Variants in SGCD observed in about 807,000 individuals in gnomAD.
SGCD encodes the protein sarcoglycan delta, also known as delta-sarcoglycan.
SGCD carries 18 observed loss-of-function variants against 36.6 expected under a neutral mutation model. The ratio of observed to expected loss-of-function variants is 0.49; its 90% CI spans 0.34 to 0.73. SGCD has a LOEUF of 0.73. SGCD is among the 30% of genes least tolerant of loss of function. The pLI, the probability that SGCD is intolerant of heterozygous loss-of-function variation, is 0.01. For missense variants in SGCD, 387 were observed against 346.7 expected (o/e 1.12, Z -0.92); for synonymous variants, 133 against 130.6 (o/e 1.02, Z -0.12).
chr5:156,348,813 A>G (rs181652203), intron 3 of SGCD, among the ~76,000 whole-genome samples: 24 of 152,320 alleles, frequency 1.6e-4, no homozygotes, highest in Admixed American at 2.6e-4. Context: ...AAGCAAAAAG[A>G]TCAAATCTGA....
At chr5:156,455,029 G>A (rs115908025) in intron 3 of SGCD, among the ~76,000 whole-genome samples, 2 of 152,140 alleles carry the variant, frequency 1.3e-5, no homozygotes, top group Admixed American at 6.5e-5. Context: ...AAGAAAGGAC[G>A]CTTAAAGAAA....
intron 3 of SGCD, among the ~76,000 whole-genome samples, chr5:156,298,886 TG>T (rs1183211986): frequency 9.2e-5 from 14 of 152,346 alleles, no homozygotes; most frequent in African/African-American, 3.4e-4. Flanking sequence ...TTTCTTTCAT[TG>T]TTTGAGTTGC....
intron 3 of SGCD, among the ~76,000 whole-genome samples, chr5:156,222,554 A>G (rs1764742644): frequency 6.6e-6 from 1 of 152,056 alleles, no homozygotes; most frequent in African/African-American, 2.4e-5. Context: ...AGAAGTTGGT[A>G]TTTTAAAGAA....
chr5:156,325,178 A>G (rs1410908812), upstream of SGCD, among the ~76,000 whole-genome samples: 1 of 152,098 alleles, frequency 6.6e-6, no homozygotes, highest in Non-Finnish European at 1.5e-5. Flanking sequence ...AAGTAGCGGT[A>G]TAGCTGGCTT....
intron 3 of SGCD, among the ~76,000 whole-genome samples, chr5:156,483,167 G>A (rs766630820): frequency 6.6e-6 from 1 of 152,116 alleles, no homozygotes; most frequent in Non-Finnish European, 1.5e-5. Flanking sequence ...AGATACAAAG[G>A]TTCTGAGGCT....
chr5:155,977,719 T>G (rs1361792649), intron 1 of SGCD, among the ~76,000 whole-genome samples: 2 of 152,124 alleles, frequency 1.3e-5, no homozygotes, highest in Non-Finnish European at 2.9e-5. Context: ...TGGAACCAAA[T>G]AGGCCAGGAA....
At chr5:155,979,358 A>G (rs1758181476) in intron 1 of SGCD, among the ~76,000 whole-genome samples, 1 of 152,228 alleles carries the variant, frequency 6.6e-6, no homozygotes, top group Admixed American at 6.5e-5. Context: ...GTAAATGCCT[A>G]CGATATAAGG....
intron 3 of SGCD, among the ~76,000 whole-genome samples, chr5:156,437,925 T>C (rs1753312185): frequency 6.6e-6 from 1 of 152,196 alleles, no homozygotes; most frequent in Non-Finnish European, 1.5e-5. Flanking sequence ...ATACACATTT[T>C]CTAGGTTTGA....
intron 4 of SGCD, among the ~76,000 whole-genome samples, chr5:156,530,963 C>T (rs1292659744): frequency 2.0e-5 from 3 of 152,140 alleles, no homozygotes; most frequent in Non-Finnish European, 4.4e-5. Flanking sequence ...TAGCAAAACT[C>T]GGGTTAGGGA....
chr5:156,185,459 C>A (rs1359107811), intron 3 of SGCD, among the ~76,000 whole-genome samples: 2 of 152,030 alleles, frequency 1.3e-5, no homozygotes, highest in Admixed American at 6.5e-5. Context: ...TGTGATCCGC[C>A]CGCCTTGGCC....
intron 5 of SGCD, among the ~76,000 whole-genome samples, chr5:156,591,471 G>A (rs1297204067): frequency 6.6e-6 from 1 of 152,208 alleles, no homozygotes; most frequent in Non-Finnish European, 1.5e-5. Flanking sequence ...CCACCTACAT[G>A]GAGGAAAGCA....
At chr5:156,373,153 T>TAGC (rs1229742918) in intron 3 of SGCD, among the ~76,000 whole-genome samples, 2 of 152,234 alleles carry the variant, frequency 1.3e-5, no homozygotes, top group East Asian at 3.8e-4. Context: ...GTGCTCGTGT[T>TAGC]AGCATTCATG....
At chr5:156,201,459 C>G (rs1170450560) in intron 3 of SGCD, among the ~76,000 whole-genome samples, 1 of 152,182 alleles carries the variant, frequency 6.6e-6, no homozygotes, top group Non-Finnish European at 1.5e-5. Flanking sequence ...AAGCTGCCAT[C>G]ATAACACAAT....
intron 3 of SGCD, among the ~76,000 whole-genome samples, chr5:156,251,176 A>G (rs1323078545): frequency 6.6e-6 from 1 of 152,190 alleles, no homozygotes; most frequent in Non-Finnish European, 1.5e-5. Context: ...TTTTGTGTAC[A>G]GTTTTTACTT....
intron 1 of SGCD, among the ~76,000 whole-genome samples, chr5:155,959,032 C>A (rs1043033878): frequency 2.6e-5 from 4 of 152,090 alleles, no homozygotes; most frequent in Admixed American, 1.3e-4. Context: ...TTCCTCCTCT[C>A]TATGTCTTAT....
intron 3 of SGCD, among the ~76,000 whole-genome samples, chr5:156,463,587 A>G (rs1362856380): frequency 2.0e-5 from 3 of 152,140 alleles, no homozygotes; most frequent in Admixed American, 2.0e-4. Context: ...AAGGAACAGA[A>G]AGGGAGAACT....
chr5:156,505,317 G>C (rs1756649941), intron 3 of SGCD, among the ~76,000 whole-genome samples: 1 of 152,150 alleles, frequency 6.6e-6, no homozygotes, highest in South Asian at 2.1e-4. Flanking sequence ...GAAATATACA[G>C]ATGGCATAGA....
intron 1 of SGCD, among the ~76,000 whole-genome samples, chr5:155,970,217 C>T (rs998046346): frequency 6.6e-6 from 1 of 152,066 alleles, no homozygotes; most frequent in African/African-American, 2.4e-5. Flanking sequence ...GCCCCCATCC[C>T]ATTTCACCCA....
At chr5:156,485,182 A>G (rs1003124696) in intron 3 of SGCD, among the ~76,000 whole-genome samples, 1 of 152,154 alleles carries the variant, frequency 6.6e-6, no homozygotes, top group African/African-American at 2.4e-5. Context: ...GTTTTATTCT[A>G]TGCACTCATT....
Sources: gnomAD v4.1 joint callset for allele counts (sites outside exome capture counted in the v4.1 genomes callset) on GRCh38, gnomAD v4.1.1 for gene constraint, MANE v1.5 for transcripts, NCBI Gene and HGNC (gene_info 2026-07-23, HGNC 2026-07-21) for gene names.